The following MYNN variants were observed in gnomAD, a reference collection of about 807,000 sequenced individuals.
MYNN encodes myoneurin, also known as zinc finger and BTB domain-containing protein 31.
A neutral mutation model predicts 57.2 loss-of-function variants in MYNN; 22 were observed. The observed-to-expected ratio is 0.38, with a 90% CI of 0.27 to 0.55. The LOEUF (loss-of-function observed/expected upper bound fraction) is 0.55. Ranked by LOEUF, MYNN falls within the 20% of genes least tolerant of loss-of-function variation. MYNN has a pLI of 0.71. For missense variants in MYNN, 566 were observed against 723.1 expected (o/e 0.78, Z 2.49); for synonymous variants, 241 against 257.1 (o/e 0.94, Z 0.60).
rs1372624363 is a variant in MYNN, at chr3:169,787,958, TTC to T, written c.*1282_*1283del. 1 of 152,112 alleles carries T rather than the reference TTC, an allele frequency of 6.6e-6. No homozygotes were observed. The highest frequency in any genetic ancestry group is 1.5e-5 in the Non-Finnish European group (1 of 67,972). The allele number at this position is 152,112 out of a possible 1,614,324, so 9.4% of individuals were successfully genotyped here. ...GTGCCAATCAAACAGCATGGTGATA[TTC>T]TTTTTCTTTTTTTTTCCCCCCACAA... On this transcript the variant is annotated 3_prime_UTR_variant, in exon 8 of 8. Transcript: ENST00000349841.
Position 169,786,913 on chromosome 3 carries a change from T to G in MYNN, c.*235T>G. The stretch of plus-strand genomic sequence containing the variant: ...ATGAATTATGTAGCACTATTTTGGG[T>G]GGATGAGTTTTATTTTCTTTTAAAG... On this transcript the variant is annotated 3_prime_UTR_variant, in exon 8 of 8. Coordinates refer to ENST00000349841, the MANE Select transcript of MYNN (RefSeq NM_018657.5). 2.5e-6 allele frequency: 1 copy of G among 407,546 alleles called. No homozygotes were observed. The highest frequency in any genetic ancestry group is 3.9e-5 in the Admixed American group (1 of 25,832). 25.2% of individuals were successfully genotyped at this position (407,546 alleles called of 1,614,324 possible). A position where few individuals can be genotyped will look rare whatever the true frequency, so the allele number is the denominator to read the frequency against.
chr3:169,786,364 G>A, intron 7 of MYNN, 52 bp from the exon 8 acceptor site: 1 of 1,527,998 alleles, frequency 6.5e-7, no homozygotes, highest in East Asian at 2.3e-5. Flanking sequence ...CTACCTCAGG[G>A]GTTTAGTTTT....
rs371055233 is a variant in MYNN at position 169,784,606 on chromosome 3, C to A, written c.1484-16C>A. On this transcript the variant is annotated splice_polypyrimidine_tract_variant and intron_variant, in intron 6 of 7. Coordinates refer to ENST00000349841, the MANE Select transcript of MYNN (RefSeq NM_018657.5). ...TTTTAAAATATTGAAATTTAAACTTCTAATTTGTTTTTCAGGAGAAAGACC... is the reference window on the plus strand; with the variant it reads ...TTTTAAAATATTGAAATTTAAACTTATAATTTGTTTTTCAGGAGAAAGACC... 90 of 1,477,082 alleles carry A rather than the reference C, an allele frequency of 6.1e-5. No individual in the cohort carries two copies. The highest frequency in any genetic ancestry group is 8.0e-5 in the Non-Finnish European group (87 of 1,083,606). 91.5% of individuals were successfully genotyped at this position (1,477,082 alleles called of 1,614,324 possible).
chr3:169,778,668 C>T, intron 2 of MYNN, 100 bp from the exon 3 acceptor site: 2 of 849,370 alleles, frequency 2.4e-6, no homozygotes, highest in Non-Finnish European at 3.7e-6. Flanking sequence ...CAGCATTCTG[C>T]TTCATTAGGT....
intron 1 of MYNN, 131 bp downstream of exon 1, chr3:169,773,593 G>A (rs904821628): frequency 6.5e-6 from 1 of 152,988 alleles, no homozygotes; most frequent in African/African-American, 2.4e-5. Flanking sequence ...CAGCCCCGGG[G>A]TGGCCTGGGC....
chr3:169,786,314 T>G, intron 7 of MYNN, 102 bp from the exon 8 acceptor site: 1 of 1,102,282 alleles, frequency 9.1e-7, no homozygotes. Flanking sequence ...AAAGGTATGG[T>G]GGTTGGAATG....
chr3:169,784,774 C>G, intron 7 of MYNN, 66 bp downstream of exon 7: 3 of 996,298 alleles, frequency 3.0e-6, no homozygotes, highest in Non-Finnish European at 4.5e-6. Flanking sequence ...AGTGCTATTC[C>G]TTAAAATGCT....
At chr3:169,780,841 A>C (rs1057034662) in intron 4 of MYNN, 92 bp downstream of exon 4, 1 of 1,085,386 alleles carries the variant, frequency 9.2e-7, no homozygotes, top group African/African-American at 1.6e-5. Context: ...GGACAGTAGA[A>C]TTGTAATTGT....
At chr3:169,784,543 T>A in intron 6 of MYNN, 79 bp from the exon 7 acceptor site, 2 of 912,958 alleles carry the variant, frequency 2.2e-6, no homozygotes, top group Non-Finnish European at 3.4e-6. Context: ...TTTTGCCTTG[T>A]GTTCATAAAC....
intron 2 of MYNN, among the ~76,000 whole-genome samples, chr3:169,775,524 T>G (rs556546982): frequency 6.6e-6 from 1 of 152,286 alleles, no homozygotes; most frequent in South Asian, 2.1e-4. Flanking sequence ...TGATGCAATC[T>G]CTCTGGGCCT....
intron 2 of MYNN, among the ~76,000 whole-genome samples, chr3:169,775,060 A>C (rs866801806): frequency 6.6e-6 from 1 of 152,204 alleles, no homozygotes; most frequent in Middle Eastern, 3.4e-3. Context: ...GGCTGCAAAC[A>C]AAAAATTCTA....
chr3:169,786,619 A>G lies in MYNN; in HGVS notation c.1774A>G (p.Arg592Gly), dbSNP rs1375010071. ...GTCTCCTACATCAGATACATTGTTGAGGTCAACTGTGAATGGGTATTCAGA... is the reference window on the plus strand; with the variant it reads ...GTCTCCTACATCAGATACATTGTTGGGGTCAACTGTGAATGGGTATTCAGA... ...TQSPTSDTLL[R>G]STVNGYSEPQ... is the part of the protein sequence containing the mutation. Residue 592 changes from arginine (R) to glycine (G), a missense_variant, in exon 8 of 8, where the codon AGG becomes GGG. Coordinates refer to ENST00000349841, the MANE Select transcript of MYNN (RefSeq NM_018657.5). 2.5e-6 allele frequency: 4 copies of G among 1,613,452 alleles called. No individual in the cohort carries two copies. In the African/African-American group the frequency reaches 5.3e-5, roughly 22 times the overall value.
rs188513065 is a variant in MYNN, at chr3:169,782,058, G to A, written c.1221-407G>A. On this transcript the variant is annotated intron_variant, in intron 4 of 7. Transcript: ENST00000349841. This position sits in a 1 kb window ranked among gnomAD's most constrained non-coding sequence, Gnocchi z 4.8. Reference sequence around the variant, plus strand: ...ATACAAATTGGAATTGATGGATTCAGATGAACTGTCACCCTCATGTCATAT... The same window carrying A: ...ATACAAATTGGAATTGATGGATTCAAATGAACTGTCACCCTCATGTCATAT... 2.0e-4 allele frequency among the ~76,000 whole-genome samples: 31 copies of A among 152,278 alleles called. No homozygotes were observed. In the East Asian group the frequency reaches 5.6e-3, roughly 27 times the overall value.
chr3:169,780,848 T>C (rs894461032), intron 4 of MYNN, 99 bp downstream of exon 4: 6 of 1,049,096 alleles, frequency 5.7e-6, no homozygotes, highest in African/African-American at 1.7e-5. Flanking sequence ...AGAATTGTAA[T>C]TGTGGTTCCA....
At position 169,774,319 on chromosome 3, in the gene MYNN, G is replaced by A. The variant is rs764003058; in HGVS notation, c.24G>A (p.Glu8=). The change falls in exon 2 of 8, where the codon GAG becomes GAA. Residue 8 remains glutamate, a synonymous_variant. Transcript: ENST00000349841. MQYSHHC[E]HLLERLNKQR... ...AAATGCAGTATTCGCACCACTGTGAGCACCTTTTAGAGAGACTGAACAAAC... is the reference window on the plus strand; with the variant it reads ...AAATGCAGTATTCGCACCACTGTGAACACCTTTTAGAGAGACTGAACAAAC... The A allele has an allele frequency of 1.9e-6, 3 of 1,614,084 alleles. No homozygotes were observed. The Admixed American group carries it at 5.0e-5, about 27-fold the overall frequency.
intron 2 of MYNN, among the ~76,000 whole-genome samples, chr3:169,776,332 G>GGTAGAATAT (rs1284950191): frequency 1.3e-5 from 2 of 152,158 alleles, no homozygotes; most frequent in Non-Finnish European, 1.5e-5. Context: ...TAAGAAAACA[G>GGTAGAATAT]GTAGAATATA....
chr3:169,789,072 T>C lies in MYNN; in HGVS notation c.*2394T>C, dbSNP rs915231695. 1 of 152,082 alleles carries C rather than the reference T, an allele frequency of 6.6e-6. No homozygotes were observed. The highest frequency in any genetic ancestry group is 6.6e-5 in the Admixed American group (1 of 15,242). The allele number at this position is 152,082 out of a possible 1,614,324, so 9.4% of individuals were successfully genotyped here. ...CTGAGAAACTATTTTCTAAATAAAT[T>C]TAATTTTCTTTTGTATTTGTATCAG... On this transcript the variant is annotated 3_prime_UTR_variant, in exon 8 of 8. Coordinates refer to ENST00000349841, the MANE Select transcript of MYNN (RefSeq NM_018657.5).
chr3:169,783,725 T>C (rs566030802), intron 6 of MYNN, 165 bp downstream of exon 6: 5 of 682,142 alleles, frequency 7.3e-6, no homozygotes, highest in Non-Finnish European at 1.4e-5. Context: ...TTGTTTTTTT[T>C]TTAGTTGTTT....
At chr3:169,784,141 G>A (rs80272070) in intron 6 of MYNN, among the ~76,000 whole-genome samples, 2,058 of 151,990 alleles carry the variant, frequency 0.014, 53 homozygotes, top group African/African-American at 0.047. Context: ...ATTCTGACGC[G>A]CTTTAGTTTA....
Sources: gnomAD v4.1 joint callset for allele counts (sites outside exome capture counted in the v4.1 genomes callset) on GRCh38, gnomAD v4.1.1 for gene constraint, Gnocchi (gnomAD v3.1) non-coding constraint, MANE v1.5 for transcripts, NCBI Gene and HGNC (gene_info 2026-07-23, HGNC 2026-07-21) for gene names.